Variants in AK4 observed in about 807,000 individuals in gnomAD.
The protein encoded by AK4 is adenylate kinase 4.
Under a neutral mutation model 24.6 loss-of-function variants are expected in AK4, and 13 were observed. The observed-to-expected ratio is 0.53, with a 90% CI of 0.34 to 0.84. The LOEUF (loss-of-function observed/expected upper bound fraction) is 0.84. Ranked by LOEUF, AK4 falls within the 40% of genes least tolerant of loss-of-function variation. The probability of loss-of-function intolerance (pLI) is 0.01; values close to 1 mark genes in which losing one functional copy is unlikely to be tolerated. For synonymous variants in AK4, 88 were observed against 107.0 expected, an observed-to-expected ratio of 0.82 and a Z score of 1.10; for missense variants, 192 against 288.2, an observed-to-expected ratio of 0.67 and a Z score of 2.42.
chr1:65,154,311 G>A (rs1025484073), intron 1 of AK4, among the ~76,000 whole-genome samples: 2 of 152,234 alleles, frequency 1.3e-5, no homozygotes, highest in Admixed American at 6.5e-5. Context: ...TGCCCTGAGC[G>A]CCTGCCTGGG....
chr1:65,207,008 G>T (rs1651832742), intron 2 of AK4, among the ~76,000 whole-genome samples: 1 of 152,142 alleles, frequency 6.6e-6, no homozygotes, highest in Admixed American at 6.5e-5. Flanking sequence ...TCTCAGTGAA[G>T]CCATTTGGGA....
chr1:65,200,598 G>T (rs1651632693), intron 2 of AK4, among the ~76,000 whole-genome samples: 1 of 152,162 alleles, frequency 6.6e-6, no homozygotes, highest in African/African-American at 2.4e-5. Flanking sequence ...TCTAGCTGCT[G>T]ATTGCACTGA....
rs745997075 is a variant in AK4, at chr1:65,150,282, TCTC to T, written c.145+1731_145+1733del. ...CCCTTGTTCTCTCTTTCTCTCTCTC[TCTC>T]TTTTTTTTTTTTAACTTTCCTGTGT... On this transcript the variant is annotated intron_variant, in intron 1 of 4. Coordinates refer to ENST00000327299, the MANE Select transcript of AK4 (RefSeq NM_013410.4). 1.2e-3 allele frequency among the ~76,000 whole-genome samples: 142 copies of T among 117,756 alleles called. 1 individual carries two copies. The highest frequency in any genetic ancestry group is 4.3e-3 in the East Asian group (16 of 3,722). The allele number at this position is 117,756 out of a possible 152,430, so 77.3% of individuals were successfully genotyped here. A position where few individuals can be genotyped will look rare whatever the true frequency, so the allele number is the denominator to read the frequency against.
At chr1:65,153,390 C>T (rs143717442) in intron 1 of AK4, among the ~76,000 whole-genome samples, 7 of 152,202 alleles carry the variant, frequency 4.6e-5, no homozygotes, top group Admixed American at 2.6e-4. Flanking sequence ...TTACCTCAGC[C>T]CCTTAAGTAG....
intron 2 of AK4, among the ~76,000 whole-genome samples, chr1:65,203,866 A>G (rs941276437): frequency 1.3e-5 from 2 of 152,146 alleles, no homozygotes; most frequent in Non-Finnish European, 1.5e-5. Flanking sequence ...AAACAAAACA[A>G]TGTAAAACTC....
At chr1:65,150,218 C>G (rs577493218) in intron 1 of AK4, among the ~76,000 whole-genome samples, 1 of 151,830 alleles carries the variant, frequency 6.6e-6, no homozygotes, top group South Asian at 2.1e-4. Context: ...TATTTCTGCA[C>G]TTTCTTAGGG....
At chr1:65,153,096 C>G (rs1271949544) in intron 1 of AK4, among the ~76,000 whole-genome samples, 1 of 152,158 alleles carries the variant, frequency 6.6e-6, no homozygotes, top group Non-Finnish European at 1.5e-5. Context: ...TTTGAGACCT[C>G]TCCAGTCCAA....
intron 1 of AK4, among the ~76,000 whole-genome samples, chr1:65,187,085 C>T (rs561823297): frequency 5.9e-5 from 9 of 151,700 alleles, no homozygotes; most frequent in East Asian, 1.9e-4. Context: ...GGAGGCCGGG[C>T]GCGGTGGCTC....
chr1:65,168,481 G>T (rs1050937227), intron 1 of AK4, among the ~76,000 whole-genome samples: 9 of 151,916 alleles, frequency 5.9e-5, no homozygotes, highest in African/African-American at 2.2e-4. Context: ...GTAAAGATGA[G>T]GGTCTCTGTT....
intron 2 of AK4, among the ~76,000 whole-genome samples, chr1:65,206,047 T>C (rs1025049069): frequency 1.8e-4 from 28 of 152,312 alleles, no homozygotes; most frequent in African/African-American, 6.5e-4. Flanking sequence ...TAACCCTTCC[T>C]CAGAAGGTCT....
At chr1:65,209,499 G>T (rs1315152419) in intron 2 of AK4, among the ~76,000 whole-genome samples, 1 of 152,198 alleles carries the variant, frequency 6.6e-6, no homozygotes, top group East Asian at 1.9e-4. Context: ...TACTCCAGTT[G>T]GTCAGTGATC....
At chr1:65,158,004 C>T (rs974631307) in intron 1 of AK4, among the ~76,000 whole-genome samples, 1 of 152,158 alleles carries the variant, frequency 6.6e-6, no homozygotes, top group African/African-American at 2.4e-5. Context: ...TTATGGTCCA[C>T]AAGAGGTCCT....
intron 1 of AK4, among the ~76,000 whole-genome samples, chr1:65,150,464 A>G (rs1649734222): frequency 6.6e-6 from 1 of 152,070 alleles, no homozygotes; most frequent in Non-Finnish European, 1.5e-5. Context: ...AAAAAACTTT[A>G]TCAAAGAAAG....
intron 2 of AK4, among the ~76,000 whole-genome samples, chr1:65,191,198 CAG>C (rs1478985225): frequency 1.3e-5 from 2 of 152,136 alleles, no homozygotes; most frequent in African/African-American, 2.4e-5. Flanking sequence ...GTCAGATTAA[CAG>C]AGATAGAAGA....
intron 3 of AK4, among the ~76,000 whole-genome samples, chr1:65,221,126 GT>G (rs1479479009): frequency 6.6e-6 from 1 of 152,024 alleles, no homozygotes; most frequent in African/African-American, 2.4e-5. Flanking sequence ...AAGAATTATT[GT>G]TTTTTTGATA....
chr1:65,179,435 C>T (rs556562843), intron 1 of AK4, among the ~76,000 whole-genome samples: 1 of 152,138 alleles, frequency 6.6e-6, no homozygotes, highest in Admixed American at 6.6e-5. Context: ...TTACTTTGGG[C>T]AAGTTACTTA....
At chr1:65,185,246 G>A (rs530159445) in intron 1 of AK4, among the ~76,000 whole-genome samples, 1 of 152,292 alleles carries the variant, frequency 6.6e-6, no homozygotes, top group African/African-American at 2.4e-5. Context: ...CCCGTGCGTA[G>A]TTTAGTGCTC....
At chr1:65,226,014 G>T (rs564798376) in intron 4 of AK4, 49 bp from the exon 5 acceptor site, 1 of 1,582,470 alleles carries the variant, frequency 6.3e-7, no homozygotes, top group South Asian at 1.1e-5. Flanking sequence ...GCACTAATAC[G>T]TGGAAAAGAA....
intron 1 of AK4, among the ~76,000 whole-genome samples, chr1:65,172,873 T>G (rs946438378): frequency 4.1e-5 from 6 of 147,960 alleles, no homozygotes; most frequent in Non-Finnish European, 8.9e-5. Flanking sequence ...TTTTTTTTTT[T>G]TTTTTTTGAT....
Sources: allele counts gnomAD v4.1 joint callset (sites outside exome capture counted in the v4.1 genomes callset), GRCh38; gene constraint gnomAD v4.1.1; transcripts MANE v1.5; gene names NCBI Gene and HGNC (gene_info 2026-07-23, HGNC 2026-07-21).